The following RAB40B variants were observed in gnomAD, a reference collection of about 807,000 sequenced individuals.
RAB40B encodes the protein RAB40B, member RAS oncogene family, also known as ras-related protein Rab-40B.
In RAB40B, 21 loss-of-function variants were observed where a neutral mutation model predicts 24.0. That is an observed-to-expected ratio of 0.88 (90% CI 0.62 to 1.26). The LOEUF is 1.26. Among genes scored for constraint, RAB40B ranks in the 50% most tolerant of loss-of-function variants. The pLI, the probability that RAB40B is intolerant of heterozygous loss-of-function variation, is 0.00. For missense variants in RAB40B, 348 were observed against 390.5 expected, an observed-to-expected ratio of 0.89 and a Z score of 0.92; for synonymous variants, 167 against 169.8, an observed-to-expected ratio of 0.98 and a Z score of 0.13.
intron 1 of RAB40B, among the ~76,000 whole-genome samples, chr17:82,691,099 C>G (rs1163821491): frequency 6.6e-6 from 1 of 152,142 alleles, no homozygotes; most frequent in Non-Finnish European, 1.5e-5. Context: ...CCCGGTGTGT[C>G]CACGCACCGT....
chr17:82,678,697 C>T (rs960604842), intron 1 of RAB40B, among the ~76,000 whole-genome samples: 1 of 152,122 alleles, frequency 6.6e-6, no homozygotes, highest in Admixed American at 6.6e-5. Context: ...AGCAGACTGG[C>T]GGTCCCCGGG....
intron 2 of RAB40B, 52 bp from the exon 3 acceptor site, chr17:82,661,099 A>G (rs2143453850): frequency 6.3e-7 from 1 of 1,599,140 alleles, no homozygotes; most frequent in Non-Finnish European, 8.5e-7. Context: ...TCTTCCTGAC[A>G]ACAGGTTCTG....
intron 1 of RAB40B, among the ~76,000 whole-genome samples, chr17:82,678,262 A>G (rs2046414384): frequency 6.6e-6 from 1 of 152,218 alleles, no homozygotes; most frequent in South Asian, 2.1e-4. Flanking sequence ...GCGTTAGGAT[A>G]ATACAATTCA....
At position 82,658,403 on chromosome 17, in the gene RAB40B, C is replaced by T. The variant is rs148685023; in HGVS notation, c.565+88G>A. On this transcript the variant is annotated intron_variant, in intron 5 of 5. Transcript: ENST00000571995. Reference sequence around the variant, plus strand: ...GACACAGTGGCCTTGAGACGGGTCCCGGGAGGCAGACACTTATCCAGGGGG... The same window carrying T: ...GACACAGTGGCCTTGAGACGGGTCCTGGGAGGCAGACACTTATCCAGGGGG... 1.9e-3 allele frequency: 2,753 copies of T among 1,448,616 alleles called. 9 individuals are homozygous for T. The highest frequency in any genetic ancestry group is 2.3e-3 in the South Asian group (195 of 84,522). The allele number at this position is 1,448,616 out of a possible 1,614,324, so 89.7% of individuals were successfully genotyped here.
intron 2 of RAB40B, chr17:82,662,116 C>T: frequency 1.0e-6 from 1 of 985,390 alleles, no homozygotes; most frequent in East Asian, 1.1e-4. Flanking sequence ...CATGGTTTTG[C>T]TGTTTGTGTC....
intron 1 of RAB40B, chr17:82,664,853 C>T (rs887973548): frequency 2.4e-5 from 7 of 292,116 alleles, no homozygotes; most frequent in East Asian, 7.4e-5. Flanking sequence ...ACCTGGAGGC[C>T]GGTGGGTTTG....
rs573227098 is a variant in RAB40B, at chr17:82,685,906, C to T, written c.142+12549G>A. 2.3e-3 allele frequency among the ~76,000 whole-genome samples: 355 copies of T among 151,688 alleles called. 1 individual carries two copies. The highest frequency in any genetic ancestry group is 4.3e-3 in the Non-Finnish European group (290 of 67,930). On this transcript the variant is annotated intron_variant, in intron 1 of 5. Coordinates refer to ENST00000571995, the MANE Select transcript of RAB40B (RefSeq NM_006822.3). ...GCAACCTCCACCTCCTGGATTCAAA[C>T]GATTCTCCTACCTCAGCCTCCCAAG... is the stretch of plus-strand genomic sequence containing the variant.
chr17:82,655,697 G>C lies in RAB40B; in HGVS notation c.*2166C>G, dbSNP rs2046081738. The C allele has an allele frequency of 1.3e-5, 2 of 152,324 alleles. No homozygotes were observed. Among genetic ancestry groups the C allele is most frequent in the Admixed American group, 1.3e-4 (2 of 15,288 alleles). 9.4% of individuals were successfully genotyped at this position (152,324 alleles called of 1,614,324 possible). A position where few individuals can be genotyped will look rare whatever the true frequency, so the allele number is the denominator to read the frequency against. ...GGCACAGCAGAGAGAAGGGTGCACA[G>C]GTCTTTGCAGCGTGCCTGCACGAGG... On this transcript the variant is annotated 3_prime_UTR_variant, in exon 6 of 6. Transcript: ENST00000571995.
chr17:82,666,541 G>C (rs867222634), intron 1 of RAB40B, among the ~76,000 whole-genome samples: 1 of 152,010 alleles, frequency 6.6e-6, no homozygotes, highest in Non-Finnish European at 1.5e-5. Flanking sequence ...TGCTGCTCCC[G>C]GCCAATAAAT....
chr17:82,667,119 G>T lies in RAB40B; in HGVS notation c.143-2563C>A, dbSNP rs962444452. ...GTAGCCAGTGAGTGCCCAGAAACAG[G>T]CTCCTCTAAAAATGCGAGGCTGCGG... On this transcript the variant is annotated intron_variant, in intron 1 of 5. Coordinates refer to ENST00000571995, the MANE Select transcript of RAB40B (RefSeq NM_006822.3). This position sits in a 1 kb window ranked among gnomAD's most constrained non-coding sequence, Gnocchi z 4.3. Among the ~76,000 whole-genome samples the T allele has an allele frequency of 2.0e-5, 3 of 152,200 alleles. No homozygotes were observed. The highest frequency in any genetic ancestry group is 4.4e-5 in the Non-Finnish European group (3 of 68,038).
chr17:82,660,438 G>A (rs926475777), intron 3 of RAB40B, among the ~76,000 whole-genome samples: 5 of 139,684 alleles, frequency 3.6e-5, no homozygotes, highest in Non-Finnish European at 7.6e-5. Flanking sequence ...ACACGCACAG[G>A]CACTCATGCA....
chr17:82,689,283 C>G (rs2046532244), intron 1 of RAB40B, among the ~76,000 whole-genome samples: 1 of 152,268 alleles, frequency 6.6e-6, no homozygotes, highest in Non-Finnish European at 1.5e-5. Flanking sequence ...CCTGCTCCAG[C>G]TGCGTCCACT....
At position 82,657,762 on chromosome 17, in the gene RAB40B, T is replaced by G; in HGVS notation, c.*101A>C. ...CGTCGCACACATTCGCAAGCAGCAT[T>G]CGCCGAGAGGAACCGGGATCTGAGA... is the stretch of plus-strand genomic sequence containing the variant. On this transcript the variant is annotated 3_prime_UTR_variant, in exon 6 of 6. Coordinates refer to ENST00000571995, the MANE Select transcript of RAB40B (RefSeq NM_006822.3). 2 of 1,389,440 alleles carry G rather than the reference T, an allele frequency of 1.4e-6. No individual in the cohort carries two copies. Among genetic ancestry groups the G allele is most frequent in the South Asian group, 2.3e-5 (2 of 86,518 alleles). 86.1% of individuals were successfully genotyped at this position (1,389,440 alleles called of 1,614,324 possible). A position where few individuals can be genotyped will look rare whatever the true frequency, so the allele number is the denominator to read the frequency against.
rs1007779339 is a variant in RAB40B at position 82,697,220 on chromosome 17, C to T, written c.142+1235G>A. Among the ~76,000 whole-genome samples the T allele has an allele frequency of 6.6e-6, 1 of 152,168 alleles. No individual in the cohort carries two copies. Among genetic ancestry groups the T allele is most frequent in the East Asian group, 1.9e-4 (1 of 5,188 alleles). On this transcript the variant is annotated intron_variant, in intron 1 of 5. Coordinates refer to ENST00000571995, the MANE Select transcript of RAB40B (RefSeq NM_006822.3). This position sits in a 1 kb window ranked among gnomAD's most constrained non-coding sequence, Gnocchi z 4.9. Reference sequence around the variant, plus strand: ...GTGGCCGGGCACCTGAGTCCCACCCCACGCTCCACAGTCTCAGGCCACCCC... The same window carrying T: ...GTGGCCGGGCACCTGAGTCCCACCCTACGCTCCACAGTCTCAGGCCACCCC...
At chr17:82,659,727 G>T in intron 3 of RAB40B, 70 bp from the exon 4 acceptor site, 1 of 1,217,302 alleles carries the variant, frequency 8.2e-7, no homozygotes, top group Non-Finnish European at 1.2e-6. Flanking sequence ...TGCACGCAAA[G>T]ACATACAACT....
At chr17:82,676,514 G>T (rs2046396378) in intron 1 of RAB40B, among the ~76,000 whole-genome samples, 1 of 149,182 alleles carries the variant, frequency 6.7e-6, no homozygotes, top group Admixed American at 6.7e-5. Context: ...GAGTCTCTCG[G>T]CTCTTCCCAG....
At chr17:82,661,087 C>T (rs745779307) in intron 2 of RAB40B, 40 bp from the exon 3 acceptor site, 4 of 1,608,854 alleles carry the variant, frequency 2.5e-6, no homozygotes, top group East Asian at 2.2e-5. Context: ...GAAACCAGTG[C>T]TTCTTCCTGA....
chr17:82,668,603 C>T (rs1454323333), intron 1 of RAB40B, among the ~76,000 whole-genome samples: 1 of 152,264 alleles, frequency 6.6e-6, no homozygotes, highest in African/African-American at 2.4e-5. Flanking sequence ...GTGGACCCAC[C>T]CGGATGGTCT....
chr17:82,662,757 G>C (rs1331450307), intron 2 of RAB40B: 1 of 985,270 alleles, frequency 1.0e-6, no homozygotes, highest in East Asian at 1.1e-4. Context: ...AGGTGAGAGG[G>C]AGAAAAGTGT....
Sources: gnomAD v4.1 joint callset for allele counts (sites outside exome capture counted in the v4.1 genomes callset) on GRCh38, gnomAD v4.1.1 for gene constraint, Gnocchi (gnomAD v3.1) non-coding constraint, MANE v1.5 for transcripts, NCBI Gene and HGNC (gene_info 2026-07-23, HGNC 2026-07-21) for gene names.